FKBP8: variants seen among roughly 807,000 people sequenced by gnomAD.
FKBP8 encodes the protein peptidyl-prolyl cis-trans isomerase FKBP8.
In FKBP8, 5 loss-of-function variants were observed where a neutral mutation model predicts 41.7. That is an observed-to-expected ratio of 0.12 (90% CI 0.06 to 0.25). The LOEUF (loss-of-function observed/expected upper bound fraction) is 0.25, where lower values mean the gene tolerates loss of function less well. Ranked by LOEUF, FKBP8 falls within the 10% of genes least tolerant of loss-of-function variation. The pLI is 1.00. For synonymous variants in FKBP8, 279 were observed against 254.5 expected, an observed-to-expected ratio of 1.10 and a Z score of -0.92; for missense variants, 397 against 563.0, an observed-to-expected ratio of 0.71 and a Z score of 2.98.
chr19:18,542,812 T>TC (rs1976737071), intron 1 of FKBP8: 1 of 979,080 alleles, frequency 1.0e-6, no homozygotes, highest in Middle Eastern at 2.5e-4. Context: ...AACCCCTCCG[T>TC]CCCCCAGGCC....
chr19:18,532,434 C>T, intron 8 of FKBP8, 179 bp from the exon 9 acceptor site: 1 of 897,860 alleles, frequency 1.1e-6, no homozygotes, highest in Non-Finnish European at 1.7e-6. Flanking sequence ...GCCCCTCCTC[C>T]AGGACACCGC....
intron 7 of FKBP8, 56 bp from the exon 8 acceptor site, chr19:18,532,851 G>T: frequency 1.3e-6 from 2 of 1,599,258 alleles, no homozygotes. Flanking sequence ...CATCACTGGC[G>T]CTCTGCCTTA....
chr19:18,532,170 C>A lies in FKBP8; in HGVS notation c.1241G>T (p.Ter414LeuextTer105). 1.3e-6 allele frequency: 2 copies of A among 1,598,214 alleles called. No individual in the cohort carries two copies. Among genetic ancestry groups the A allele is most frequent in the South Asian group, 1.1e-5 (1 of 87,882 alleles). ...AGGGGGTGGCAGCCACCTAGGTGGT[C>A]AGTTCCTGGCAGCGATGACCACAGA... is the stretch of plus-strand genomic sequence containing the variant. Reference protein sequence around the residue: ...ALSVVIAARN* With the variant: ...ALSVVIAARNL Residue 414 changes from the stop codon to leucine (L), a stop_lost, in exon 9 of 9, where the codon TGA becomes TTA. Coordinates refer to ENST00000608443, the MANE Select transcript of FKBP8 (RefSeq NM_012181.5).
intron 8 of FKBP8, 37 bp downstream of exon 8, chr19:18,532,627 T>C (rs540500181): frequency 6.2e-7 from 1 of 1,609,568 alleles, no homozygotes; most frequent in Non-Finnish European, 8.5e-7. Flanking sequence ...AGGCGTGCCC[T>C]GCACACAGCC....
Position 18,532,017 on chromosome 19 carries a change from T to C in FKBP8, c.*152A>G. On this transcript the variant is annotated 3_prime_UTR_variant, in exon 9 of 9. Coordinates refer to ENST00000608443, the MANE Select transcript of FKBP8 (RefSeq NM_012181.5). ...CCTCCTAGAGGGCCTCAGTCCCTCCTGCTGGCTGGGCTGCACGACCCCCAA... is the reference window on the plus strand; with the variant it reads ...CCTCCTAGAGGGCCTCAGTCCCTCCCGCTGGCTGGGCTGCACGACCCCCAA... 1 of 679,292 alleles carries C rather than the reference T, an allele frequency of 1.5e-6. No homozygotes were observed. 42.1% of individuals were successfully genotyped at this position (679,292 alleles called of 1,614,324 possible).
In FKBP8 at chr19:18,539,546, C is replaced by T. The variant is rs1976653542; in HGVS notation, c.462+5G>A. 6 of 1,612,748 alleles carry T rather than the reference C, an allele frequency of 3.7e-6. No homozygotes were observed. The highest frequency in any genetic ancestry group is 2.7e-5 in the African/African-American group (2 of 75,054). ...GCCCCTGCCCTGTCCCGCCCCAGCC[C>T]GCACCTGGATGACGTCACAGTCACC... On this transcript the variant is annotated splice_donor_5th_base_variant and intron_variant, in intron 3 of 8. Coordinates refer to ENST00000608443, the MANE Select transcript of FKBP8 (RefSeq NM_012181.5).
At position 18,532,757 on chromosome 19, in the gene FKBP8, A is replaced by G. The variant is rs1429456224; in HGVS notation, c.1062T>C (p.His354=). 6.8e-6 allele frequency: 11 copies of G among 1,614,116 alleles called. No individual in the cohort carries two copies. The East Asian group carries it at 2.2e-4, about 33-fold the overall frequency. The change falls in exon 8 of 9, where the codon CAT becomes CAC. Residue 354 remains histidine, a synonymous_variant. Coordinates refer to ENST00000608443, the MANE Select transcript of FKBP8 (RefSeq NM_012181.5). ...HAELSKLVKK[H]AAQRSTETAL... is the part of the protein sequence containing the mutation. ...CGGTCTCCGTGCTCCGCTGCGCCGC[A>G]TGCTTCTTCACCAGCTTTGAGAGCT...
At chr19:18,534,510 A>C (rs1600529761) in intron 6 of FKBP8, among the ~76,000 whole-genome samples, 2 of 151,136 alleles carry the variant, frequency 1.3e-5, no homozygotes, top group East Asian at 1.9e-4. Context: ...CTAGGCACCC[A>C]CCTCGCTGCC....
In FKBP8 at chr19:18,537,810, C is replaced by T. The variant is rs1163841132; in HGVS notation, c.773-37G>A. On this transcript the variant is annotated intron_variant, in intron 5 of 8. Coordinates refer to ENST00000608443, the MANE Select transcript of FKBP8 (RefSeq NM_012181.5). This position sits in a 1 kb window ranked among gnomAD's most constrained non-coding sequence, Gnocchi z 4.4. Reference sequence around the variant, plus strand: ...CAGTGCCCGCCACGGCAGCCGTCACCATGCCACCAGACACCCCGGCACCCA... The same window carrying T: ...CAGTGCCCGCCACGGCAGCCGTCACTATGCCACCAGACACCCCGGCACCCA... The T allele has an allele frequency of 1.9e-6, 3 of 1,577,552 alleles. No individual in the cohort carries two copies. The highest frequency in any genetic ancestry group is 2.7e-5 in the African/African-American group (2 of 74,458).
At position 18,532,079 on chromosome 19, in the gene FKBP8, A is replaced by G. The variant is rs1480332589; in HGVS notation, c.*90T>C. The G allele has an allele frequency of 1.7e-6, 2 of 1,162,524 alleles. No homozygotes were observed. Among genetic ancestry groups the G allele is most frequent in the Non-Finnish European group, 2.5e-6 (2 of 796,512 alleles). 72.0% of individuals were successfully genotyped at this position (1,162,524 alleles called of 1,614,324 possible). A position where few individuals can be genotyped will look rare whatever the true frequency, so the allele number is the denominator to read the frequency against. ...CTAACCCGGAGGAGGGGGCCAGACCAGGGAGGGCAGTGGACAGGGAGCCTG... is the reference window on the plus strand; with the variant it reads ...CTAACCCGGAGGAGGGGGCCAGACCGGGGAGGGCAGTGGACAGGGAGCCTG... On this transcript the variant is annotated 3_prime_UTR_variant, in exon 9 of 9. Transcript: ENST00000608443.
In FKBP8 at chr19:18,541,879, T is replaced by G; in HGVS notation, c.92A>C (p.Glu31Ala). The G allele has an allele frequency of 1.2e-6, 2 of 1,613,832 alleles. No homozygotes were observed. Among genetic ancestry groups the G allele is most frequent in the Non-Finnish European group, 1.7e-6 (2 of 1,179,866 alleles). ...CTCTTCCTCCTCACCCTCTGCATCCTCAACCCCATCCAGTACCTCGAAGTC... is the reference window on the plus strand; with the variant it reads ...CTCTTCCTCCTCACCCTCTGCATCCGCAACCCCATCCAGTACCTCGAAGTC... ...LEDFEVLDGVEDAEGEEEEEE... is the reference protein window; with the variant it reads ...LEDFEVLDGVADAEGEEEEEE... Residue 31 changes from glutamate (E) to alanine (A), a missense_variant, in exon 2 of 9, where the codon GAG becomes GCG. Around this residue, in one of 2 missense-constraint regions of FKBP8, gnomAD observed 172 missense variants for 196.2 expected, o/e 0.88. Coordinates refer to ENST00000608443, the MANE Select transcript of FKBP8 (RefSeq NM_012181.5).
chr19:18,532,027 G>C lies in FKBP8; in HGVS notation c.*142C>G, dbSNP rs1220711822. On this transcript the variant is annotated 3_prime_UTR_variant, in exon 9 of 9. Transcript: ENST00000608443. ...GGCCTCAGTCCCTCCTGCTGGCTGG[G>C]CTGCACGACCCCCAATCCTTGCTCC... 1 of 716,864 alleles carries C rather than the reference G, an allele frequency of 1.4e-6. No homozygotes were observed. Among genetic ancestry groups the C allele is most frequent in the Non-Finnish European group, 2.4e-6 (1 of 413,938 alleles). 44.4% of individuals were successfully genotyped at this position (716,864 alleles called of 1,614,324 possible).
At chr19:18,534,464 C>T (rs1273985371) in intron 6 of FKBP8, among the ~76,000 whole-genome samples, 4 of 152,196 alleles carry the variant, frequency 2.6e-5, no homozygotes, top group East Asian at 1.9e-4. Context: ...CATTGGTCCC[C>T]GCAACATGCT....
chr19:18,535,410 A>G (rs1474630011), intron 6 of FKBP8, among the ~76,000 whole-genome samples: 1 of 152,086 alleles, frequency 6.6e-6, no homozygotes, highest in African/African-American at 2.4e-5. Context: ...GACCAGGCAC[A>G]TGACCCAAAT....
At chr19:18,543,036 A>C in intron 1 of FKBP8, 6 of 375,460 alleles carry the variant, frequency 1.6e-5, no homozygotes, top group East Asian at 1.4e-4. Context: ...CTCCCCCCAC[A>C]GCCGCTCCGT....
At chr19:18,539,112 C>A (rs1488116846) in intron 4 of FKBP8, among the ~76,000 whole-genome samples, 1 of 151,744 alleles carries the variant, frequency 6.6e-6, no homozygotes, top group African/African-American at 2.4e-5. Context: ...CCACGCCCGG[C>A]CCACACCCAG....
In FKBP8 at chr19:18,542,936, GCCCCCACCCCCATAATTC is replaced by G. The variant is rs776407746; in HGVS notation, c.-26+532_-26+549del. On this transcript the variant is annotated intron_variant, in intron 1 of 8. Transcript: ENST00000608443. ...AGCCCCACTTTGAGAGACCCTCCCAGCCCCCACCCCCATAATTCCCCGCGCCCGCACAATTCGGCCTCC... is the reference window on the plus strand; with the variant it reads ...AGCCCCACTTTGAGAGACCCTCCCAGCCCGCGCCCGCACAATTCGGCCTCC... The G allele has an allele frequency of 1.1e-5, 12 of 1,118,428 alleles. No homozygotes were observed. The South Asian group carries it at 1.8e-4, about 16-fold the overall frequency. The allele number at this position is 1,118,428 out of a possible 1,614,324, so 69.3% of individuals were successfully genotyped here.
At chr19:18,542,864 C>G in intron 1 of FKBP8, 1 of 1,276,834 alleles carries the variant, frequency 7.8e-7, no homozygotes, top group Non-Finnish European at 1.0e-6. Flanking sequence ...AACCAGCCCG[C>G]CGCATCCCCT....
Position 18,533,289 on chromosome 19 carries a change from T to C in FKBP8, c.1004A>G (p.Lys335Arg). 1.9e-6 allele frequency: 3 copies of C among 1,600,724 alleles called. No individual in the cohort carries two copies. Among genetic ancestry groups the C allele is most frequent in the Non-Finnish European group, 2.6e-6 (3 of 1,173,542 alleles). The change falls in exon 7 of 9, where the codon AAG (lysine) becomes AGG (arginine). Residue 335 changes from lysine (K) to arginine (R), a missense_variant. Transcript: ENST00000608443. Reference sequence around the variant, plus strand: ...GCTCACCTTGTTGGAAGGTTCCAGCTTCAGGGCTGCCCTCAGGATGGGGAT... The same window carrying C: ...GCTCACCTTGTTGGAAGGTTCCAGCCTCAGGGCTGCCCTCAGGATGGGGAT... ...EAIPILRAAL[K>R]LEPSNKTIHA... is the part of the protein sequence containing the mutation.
Sources: allele counts gnomAD v4.1 joint callset (sites outside exome capture counted in the v4.1 genomes callset), GRCh38; gene constraint gnomAD v4.1.1; regional missense constraint gnomAD v4.1.1; non-coding constraint Gnocchi (gnomAD v3.1); transcripts MANE v1.5; gene names NCBI Gene and HGNC (gene_info 2026-07-23, HGNC 2026-07-21).